Variants in LVRN observed in about 807,000 individuals in gnomAD.
LVRN encodes the protein aminopeptidase Q.
A neutral mutation model predicts 111.4 loss-of-function variants in LVRN; 99 were observed. That is an observed-to-expected ratio of 0.89 (90% CI 0.76 to 1.05). The LOEUF is 1.05. LVRN is among the 50% of genes least tolerant of loss of function. The pLI is 0.00. For missense variants in LVRN, 1,414 were observed against 1,206.8 expected, an observed-to-expected ratio of 1.17 and a Z score of -2.54; for synonymous variants, 488 against 449.5, an observed-to-expected ratio of 1.09 and a Z score of -1.08.
At chr5:115,998,897 A>G (rs1426151668) in intron 6 of LVRN, among the ~76,000 whole-genome samples, 2 of 152,228 alleles carry the variant, frequency 1.3e-5, no homozygotes, top group African/African-American at 2.4e-5. Flanking sequence ...ATAATGTGCT[A>G]ATAGAAAGGG....
In LVRN at chr5:116,001,383, G is replaced by A; in HGVS notation, c.1820+144G>A. Reference sequence around the variant, plus strand: ...TGACTGTGTACTAGGGTGAAGCAGAGCCCTTGTGTCCGGGCAACGCCAGAG... The same window carrying A: ...TGACTGTGTACTAGGGTGAAGCAGAACCCTTGTGTCCGGGCAACGCCAGAG... On this transcript the variant is annotated intron_variant, in intron 10 of 19. Coordinates refer to ENST00000357872, the MANE Select transcript of LVRN (RefSeq NM_173800.5). The A allele has an allele frequency of 3.1e-6, 3 of 983,562 alleles. No homozygotes were observed. The South Asian group carries it at 4.7e-5, about 15-fold the overall frequency. 60.9% of individuals were successfully genotyped at this position (983,562 alleles called of 1,614,324 possible). A position where few individuals can be genotyped will look rare whatever the true frequency, so the allele number is the denominator to read the frequency against.
In LVRN at chr5:116,005,909, C is replaced by T. The variant is rs746283580; in HGVS notation, c.2038-3C>T. 1.3e-6 allele frequency: 2 copies of T among 1,594,666 alleles called. No individual in the cohort carries two copies. Among genetic ancestry groups the T allele is most frequent in the East Asian group, 4.5e-5 (2 of 44,692 alleles). ...CTGGGCATATTTGGGTCTAATTCTG[C>T]AGGCGATTCCTGTTATTCACAGACT... On this transcript the variant is annotated splice_region_variant and splice_polypyrimidine_tract_variant and intron_variant, in intron 12 of 19. Coordinates refer to ENST00000357872, the MANE Select transcript of LVRN (RefSeq NM_173800.5).
intron 18 of LVRN, chr5:116,021,672 C>A (rs926671621): frequency 1.8e-5 from 8 of 443,850 alleles, no homozygotes; most frequent in Middle Eastern, 4.4e-4. Flanking sequence ...ATTATAATAA[C>A]CCTATTTTAA....
rs191836491 is a variant in LVRN at position 115,993,916 on chromosome 5, C to T, written c.1374+62C>T. The T allele has an allele frequency of 5.2e-3, 5,074 of 966,930 alleles. 21 individuals are homozygous for T. Among genetic ancestry groups the T allele is most frequent in the Middle Eastern group, 9.4e-3 (37 of 3,936 alleles). The allele number at this position is 966,930 out of a possible 1,614,324, so 59.9% of individuals were successfully genotyped here. A position where few individuals can be genotyped will look rare whatever the true frequency, so the allele number is the denominator to read the frequency against. Reference sequence around the variant, plus strand: ...CCTAATTATAAAAGTAATGCATATTCATTCTTGAAAATGTATAAAATACAA... The same window carrying T: ...CCTAATTATAAAAGTAATGCATATTTATTCTTGAAAATGTATAAAATACAA... On this transcript the variant is annotated intron_variant, in intron 6 of 19. Transcript: ENST00000357872.
intron 6 of LVRN, among the ~76,000 whole-genome samples, chr5:115,998,447 A>T (rs1366484338): frequency 2.0e-5 from 3 of 152,244 alleles, no homozygotes; most frequent in Non-Finnish European, 4.4e-5. Context: ...TAAATAGTAC[A>T]TAGGAAAAAG....
Position 115,992,260 on chromosome 5 carries a change from C to A in LVRN, c.1243C>A (p.His415Asn). The A allele has an allele frequency of 1.2e-6, 2 of 1,613,750 alleles. No individual in the cohort carries two copies. Among genetic ancestry groups the A allele is most frequent in the South Asian group, 2.2e-5 (2 of 91,022 alleles). The change falls in exon 5 of 20, where the codon CAC becomes AAC. Residue 415 changes from histidine to asparagine, a missense_variant. By Grantham distance (68) the His-to-Asn change is moderately conservative. Coordinates refer to ENST00000357872, the MANE Select transcript of LVRN (RefSeq NM_173800.5). ...GACTCTGATCTCCTATGTTGTCTCCCACGAGATTGGACACCAGGCATGTGG... is the reference window on the plus strand; with the variant it reads ...GACTCTGATCTCCTATGTTGTCTCCAACGAGATTGGACACCAGGCATGTGG... ...KKTLISYVVS[H>N]EIGHQWFGNL... is the part of the protein sequence containing the mutation.
intron 1 of LVRN, among the ~76,000 whole-genome samples, chr5:115,969,834 T>A (rs144690296): frequency 8.6e-5 from 13 of 151,754 alleles, no homozygotes; most frequent in African/African-American, 2.9e-4. Context: ...ATAATTTTTA[T>A]CTTTAACATT....
At position 116,014,451 on chromosome 5, in the gene LVRN, T is replaced by C. The variant is rs1748557140; in HGVS notation, c.2374T>C (p.Cys792Arg). The C allele has an allele frequency of 3.1e-6, 5 of 1,613,182 alleles. No individual in the cohort carries two copies. The highest frequency in any genetic ancestry group is 4.2e-6 in the Non-Finnish European group (5 of 1,179,498). Residue 792 changes from cysteine to arginine, a missense_variant, in exon 16 of 20, where the codon TGT becomes CGT. By Grantham distance (180) the Cys-to-Arg change is radical (BLOSUM62 -3). Coordinates refer to ENST00000357872, the MANE Select transcript of LVRN (RefSeq NM_173800.5). The stretch of plus-strand genomic sequence containing the variant: ...ACTGGAAAAACTTTTTGTAACTGCG[T>C]GTTGGTTGGGCCTTGAAGACTGCCT... Reference protein sequence around the residue: ...ISLEKLFVTACWLGLEDCLQL... With the variant: ...ISLEKLFVTARWLGLEDCLQL...
intron 12 of LVRN, among the ~76,000 whole-genome samples, chr5:116,004,302 T>A (rs1748309867): frequency 6.6e-6 from 1 of 152,232 alleles, no homozygotes; most frequent in Admixed American, 6.5e-5. Context: ...AGATTTTAAC[T>A]GGATTAAACT....
At chr5:116,010,481 A>G in intron 13 of LVRN, 1 of 523,166 alleles carries the variant, frequency 1.9e-6, no homozygotes, top group Non-Finnish European at 3.7e-6. Context: ...ATTTCCTAAT[A>G]ATCAGTCCAA....
At chr5:115,993,200 G>GTTTTTTTT (rs35417462) in intron 5 of LVRN, among the ~76,000 whole-genome samples, 2 of 148,700 alleles carry the variant, frequency 1.3e-5, no homozygotes, top group Non-Finnish European at 1.5e-5. Flanking sequence ...ATTTGACACT[G>GTTTTTTTT]TTTTTTTTTT....
Position 115,962,512 on chromosome 5 carries a change from A to G in LVRN, c.-106A>G. On this transcript the variant is annotated 5_prime_UTR_variant, in exon 1 of 20. The change creates a new upstream start codon in the 5' untranslated region. Transcript: ENST00000357872. ...CTCTTCCAGGAGGAAGAGGCACGATACAAGAGAGGAGGGGCAGGGGTCGCA... is the reference window on the plus strand; with the variant it reads ...CTCTTCCAGGAGGAAGAGGCACGATGCAAGAGAGGAGGGGCAGGGGTCGCA... 2 of 1,021,320 alleles carry G rather than the reference A, an allele frequency of 2.0e-6. No homozygotes were observed. Among genetic ancestry groups the G allele is most frequent in the South Asian group, 1.5e-5 (1 of 67,382 alleles). 63.3% of individuals were successfully genotyped at this position (1,021,320 alleles called of 1,614,324 possible).
At chr5:116,009,677 C>T (rs988660819) in intron 13 of LVRN, among the ~76,000 whole-genome samples, 2 of 152,118 alleles carry the variant, frequency 1.3e-5, no homozygotes, top group African/African-American at 4.8e-5. Flanking sequence ...ACTTCAGATA[C>T]AGTGGAAATA....
At position 115,963,060 on chromosome 5, in the gene LVRN, G is replaced by A; in HGVS notation, c.443G>A (p.Ser148Asn). ...TVATSRLLLH[S>N]LFQDCERAEV... ...GCCACCTCTCGACTGCTGCTGCATA[G>A]CCTCTTCCAGGACTGCGAGCGCGCC... The change falls in exon 1 of 20, where the codon AGC (serine) becomes AAC (asparagine). Residue 148 changes from serine (S) to asparagine (N), a missense_variant. Physicochemically the swap from Ser to Asn is conservative, Grantham distance 46 (BLOSUM62 1). Coordinates refer to ENST00000357872, the MANE Select transcript of LVRN (RefSeq NM_173800.5). 6.2e-7 allele frequency: 1 copy of A among 1,613,542 alleles called. No homozygotes were observed. The highest frequency in any genetic ancestry group is 1.1e-5 in the South Asian group (1 of 91,072).
At chr5:116,015,558 TTTTG>T in intron 17 of LVRN, 66 bp from the exon 18 acceptor site, 1 of 1,525,634 alleles carries the variant, frequency 6.6e-7, no homozygotes, top group Non-Finnish European at 8.8e-7. Context: ...GGGATTTTGA[TTTTG>T]TTTATTTAAA....
chr5:115,978,780 G>C, intron 1 of LVRN, among the ~76,000 whole-genome samples: 1 of 151,904 alleles, frequency 6.6e-6, no homozygotes, highest in South Asian at 2.1e-4. Flanking sequence ...TGCCTATCTT[G>C]ATAGCTGCTA....
intron 1 of LVRN, among the ~76,000 whole-genome samples, chr5:115,967,986 G>T (rs1307197243): frequency 1.3e-5 from 2 of 151,980 alleles, no homozygotes; most frequent in African/African-American, 2.4e-5. Flanking sequence ...GTTTTATTTT[G>T]TAGAGCCCTT....
intron 19 of LVRN, among the ~76,000 whole-genome samples, chr5:116,024,537 G>T (rs749825431): frequency 6.6e-6 from 1 of 152,154 alleles, no homozygotes; most frequent in Non-Finnish European, 1.5e-5. Flanking sequence ...CTGGACAAGG[G>T]AAAGAAAAGC....
intron 1 of LVRN, among the ~76,000 whole-genome samples, chr5:115,967,165 A>G (rs960522003): frequency 5.9e-5 from 9 of 152,182 alleles, no homozygotes; most frequent in Non-Finnish European, 1.5e-5. Context: ...AATTTTGATG[A>G]AGTCCAATTT....
Sources: gnomAD v4.1 joint callset for allele counts (sites outside exome capture counted in the v4.1 genomes callset) on GRCh38, gnomAD v4.1.1 for gene constraint, MANE v1.5 for transcripts, NCBI Gene and HGNC (gene_info 2026-07-23, HGNC 2026-07-21) for gene names.